Variants in CEP128 observed in about 807,000 individuals in gnomAD.
The protein encoded by CEP128 is centrosomal protein 128kDa.
CEP128 carries 132 observed loss-of-function variants against 156.7 expected under a neutral mutation model. The ratio of observed to expected loss-of-function variants is 0.84; its 90% CI spans 0.73 to 0.97. The LOEUF is 0.97. Ranked by LOEUF, CEP128 falls within the 50% of genes least tolerant of loss-of-function variation. The pLI is 0.00. For missense variants in CEP128, 1,252 were observed against 1,281.9 expected, an observed-to-expected ratio of 0.98 and a Z score of 0.36; for synonymous variants, 469 against 448.9, an observed-to-expected ratio of 1.04 and a Z score of -0.57.
intron 18 of CEP128, among the ~76,000 whole-genome samples, 189 bp downstream of exon 18, chr14:80,756,703 A>G (rs1324682994): frequency 6.6e-6 from 1 of 152,150 alleles, no homozygotes; most frequent in Non-Finnish European, 1.5e-5. Context: ...AGGCCTACAT[A>G]TTTAACTTTA....
chr14:80,588,254 C>T (rs544500609), intron 19 of CEP128, among the ~76,000 whole-genome samples: 2 of 152,166 alleles, frequency 1.3e-5, no homozygotes, highest in East Asian at 3.9e-4. Flanking sequence ...CAGTGATGTG[C>T]ACTTAGTTAC....
intron 19 of CEP128, among the ~76,000 whole-genome samples, chr14:80,606,301 G>A (rs1234931416): frequency 6.6e-6 from 1 of 152,108 alleles, no homozygotes; most frequent in Non-Finnish European, 1.5e-5. Flanking sequence ...AGCAACAAAG[G>A]TATTTTGCCT....
intron 4 of CEP128, among the ~76,000 whole-genome samples, chr14:80,906,808 G>A (rs1443464652): frequency 3.9e-5 from 6 of 152,020 alleles, no homozygotes; most frequent in Admixed American, 2.6e-4. Context: ...AAGAGGATTC[G>A]ACTAAGACCC....
chr14:80,705,478 G>A (rs1020788577), intron 19 of CEP128, among the ~76,000 whole-genome samples: 1 of 152,088 alleles, frequency 6.6e-6, no homozygotes, highest in Non-Finnish European at 1.5e-5. Flanking sequence ...AAAGAATGTG[G>A]TGGCTTTACA....
rs146779643 is a variant in CEP128, at chr14:80,619,267, A to G, written c.2807-38844T>C. The stretch of plus-strand genomic sequence containing the variant: ...ACTCAAGGAAATGTTTATGAGCAAG[A>G]GTCTACAAAAATAATAGAAAGACTG... On this transcript the variant is annotated intron_variant, in intron 19 of 24. Coordinates refer to ENST00000555265, the MANE Select transcript of CEP128 (RefSeq NM_152446.5). Among the ~76,000 whole-genome samples, 71 of 152,262 alleles carry G rather than the reference A, an allele frequency of 4.7e-4. 2 individuals are homozygous for G. The East Asian group carries it at 0.012, about 26-fold the overall frequency.
chr14:80,573,473 T>C (rs1272235827), intron 20 of CEP128, among the ~76,000 whole-genome samples: 1 of 152,192 alleles, frequency 6.6e-6, no homozygotes, highest in Non-Finnish European at 1.5e-5. Context: ...GAAAATGACC[T>C]AGTCAATCAA....
intron 19 of CEP128, among the ~76,000 whole-genome samples, chr14:80,674,097 G>A (rs1357015165): frequency 6.6e-6 from 1 of 151,042 alleles, no homozygotes; most frequent in Non-Finnish European, 1.5e-5. Flanking sequence ...TTGGGAAAAT[G>A]CACATATTTT....
chr14:80,620,222 A>C (rs532190535), intron 19 of CEP128, among the ~76,000 whole-genome samples: 1 of 152,344 alleles, frequency 6.6e-6, no homozygotes, highest in African/African-American at 2.4e-5. Flanking sequence ...AAAAGATAAA[A>C]GGTACTAAAA....
intron 2 of CEP128, among the ~76,000 whole-genome samples, chr14:80,928,619 T>A (rs933884786): frequency 6.6e-6 from 1 of 151,946 alleles, no homozygotes; most frequent in Non-Finnish European, 1.5e-5. Flanking sequence ...TGAATAGATA[T>A]GAAGAAAATC....
intron 19 of CEP128, among the ~76,000 whole-genome samples, chr14:80,631,933 G>A (rs1893975554): frequency 6.6e-6 from 1 of 151,862 alleles, no homozygotes; most frequent in Non-Finnish European, 1.5e-5. Flanking sequence ...AAAGTACCTA[G>A]AACAATTACA....
At chr14:80,743,969 T>A (rs1681953830) in intron 18 of CEP128, among the ~76,000 whole-genome samples, 1 of 151,608 alleles carries the variant, frequency 6.6e-6, no homozygotes, top group Non-Finnish European at 1.5e-5. Flanking sequence ...CTTCCTGGGC[T>A]CAAGCAATCC....
chr14:80,731,883 T>A (rs189453268), intron 19 of CEP128, among the ~76,000 whole-genome samples: 41 of 152,330 alleles, frequency 2.7e-4, no homozygotes, highest in Admixed American at 2.0e-4. Context: ...TGGTCTTGTG[T>A]TTTGAAGAAG....
intron 19 of CEP128, among the ~76,000 whole-genome samples, chr14:80,604,645 C>A (rs1252605372): frequency 2.0e-5 from 3 of 152,122 alleles, no homozygotes; most frequent in Non-Finnish European, 4.4e-5. Context: ...AAACACCACT[C>A]ATATTCCTGG....
At chr14:80,884,317 C>T (rs550466804) in intron 8 of CEP128, among the ~76,000 whole-genome samples, 1 of 152,264 alleles carries the variant, frequency 6.6e-6, no homozygotes, top group East Asian at 1.9e-4. Flanking sequence ...GAAAATTTTG[C>T]AAACTATCAA....
intron 12 of CEP128, among the ~76,000 whole-genome samples, chr14:80,831,608 G>T (rs1490120714): frequency 2.2e-5 from 3 of 138,594 alleles, no homozygotes; most frequent in Admixed American, 7.2e-5. Flanking sequence ...TCTCCAAACA[G>T]TAAAAAAAAA....
At chr14:80,950,982 CA>C (rs1405365543) in intron 2 of CEP128, among the ~76,000 whole-genome samples, 2 of 149,352 alleles carry the variant, frequency 1.3e-5, no homozygotes, top group Non-Finnish European at 3.0e-5. Context: ...GTAAACAATG[CA>C]AGCAACAAGA....
At chr14:80,835,050 T>G (rs1319512376) in intron 12 of CEP128, among the ~76,000 whole-genome samples, 2 of 152,136 alleles carry the variant, frequency 1.3e-5, no homozygotes, top group East Asian at 3.9e-4. Context: ...CTCCTGAGGC[T>G]GGACTGGTTC....
At chr14:80,505,105 T>A (rs1887911902) in intron 23 of CEP128, 85 bp from the exon 24 acceptor site, 2 of 499,942 alleles carry the variant, frequency 4.0e-6, no homozygotes, top group Non-Finnish European at 7.2e-6. Flanking sequence ...TGAAATTAAA[T>A]CTTAATATAC....
chr14:80,792,273 C>T (rs745352699), intron 14 of CEP128, among the ~76,000 whole-genome samples: 6 of 152,184 alleles, frequency 3.9e-5, no homozygotes, highest in Non-Finnish European at 7.3e-5. Flanking sequence ...CTCAGTGTCA[C>T]GCATTTAAGT....
Sources: gnomAD v4.1 joint callset for allele counts (sites outside exome capture counted in the v4.1 genomes callset) on GRCh38, gnomAD v4.1.1 for gene constraint, MANE v1.5 for transcripts, NCBI Gene and HGNC (gene_info 2026-07-23, HGNC 2026-07-21) for gene names.